Variants in PKP3 observed in about 807,000 individuals in gnomAD.
PKP3 encodes plakophilin-3.
A neutral mutation model predicts 76.5 loss-of-function variants in PKP3; 66 were observed. The observed-to-expected ratio is 0.86, with a 90% CI of 0.71 to 1.06. PKP3 has a LOEUF of 1.06. Ranked by LOEUF, PKP3 falls within the 50% of genes least tolerant of loss-of-function variation. The probability of loss-of-function intolerance (pLI) is 0.00; values close to 1 mark genes in which losing one functional copy is unlikely to be tolerated. For missense variants in PKP3, 1,338 were observed against 1,141.0 expected (o/e 1.17, Z -2.49); for synonymous variants, 638 against 516.5 (o/e 1.24, Z -3.19).
chr11:398,955 C>T, intron 4 of PKP3, 37 bp from the exon 5 acceptor site: 3 of 1,451,472 alleles, frequency 2.1e-6, no homozygotes, highest in Non-Finnish European at 2.8e-6. Context: ...CATCCATCCA[C>T]ATGCGTCTGT....
At chr11:399,302 C>A (rs534794708) in intron 5 of PKP3, 106 bp downstream of exon 5, 1 of 439,716 alleles carries the variant, frequency 2.3e-6, no homozygotes, top group Non-Finnish European at 3.8e-6. Flanking sequence ...CCACCATCTG[C>A]CCCCCTTCTC....
rs112944955 is a variant in PKP3, at chr11:403,242, C to T, written c.1902C>T (p.Asn634=). The change falls in exon 9 of 13, where the codon AAC becomes AAT. Residue 634 remains asparagine (N), a synonymous_variant. Transcript: ENST00000331563. ...AGGCGGCCGCCGGGGCGCTGCAGAA[C>T]ATCACGGCAGGCGACCGCAGGGTGG... is the stretch of plus-strand genomic sequence containing the variant. The part of the protein sequence containing the change: ...TTEAAAGALQ[N]ITAGDRRWAG... The T allele has an allele frequency of 4.4e-6, 7 of 1,586,360 alleles. No individual in the cohort carries two copies. Among genetic ancestry groups the T allele is most frequent in the Non-Finnish European group, 8.5e-7 (1 of 1,170,202 alleles).
At chr11:398,193 T>C (rs1590354545) in intron 4 of PKP3, among the ~76,000 whole-genome samples, 4 of 40,590 alleles carry the variant, frequency 9.9e-5, no homozygotes, top group Admixed American at 2.8e-4. Context: ...CCCCCACATA[T>C]ACCTCATCAC....
Position 400,639 on chromosome 11 carries a change from C to A in PKP3, c.1671C>A (p.Asp557Glu). The A allele has an allele frequency of 1.4e-6, 2 of 1,383,240 alleles. No homozygotes were observed. Among genetic ancestry groups the A allele is most frequent in the Admixed American group, 3.8e-5 (1 of 26,332 alleles). The allele number at this position is 1,383,240 out of a possible 1,614,324, so 85.7% of individuals were successfully genotyped here. The change falls in exon 8 of 13, where the codon GAC becomes GAA. Residue 557 changes from aspartate (D) to glutamate (E), a missense_variant. Transcript: ENST00000331563. ...GGCTGGAGGGTCGCGGCCGCAGGGA[C>A]CTGGCGGGGGCGCCGCCGGGAGAGG... is the stretch of plus-strand genomic sequence containing the variant. ...LQRLEGRGRR[D>E]LAGAPPGEVV...
chr11:403,866 C>T, intron 10 of PKP3, 77 bp from the exon 11 acceptor site: 5 of 1,570,188 alleles, frequency 3.2e-6, no homozygotes, highest in Non-Finnish European at 3.5e-6. Context: ...CAGTCCAGCT[C>T]CCTGGGGGAG....
intron 5 of PKP3, among the ~76,000 whole-genome samples, chr11:399,422 G>GC (rs1847112224): frequency 2.8e-5 from 1 of 35,102 alleles, no homozygotes; most frequent in African/African-American, 1.3e-4. Context: ...TCCTCCACCT[G>GC]CCCCCTCTGC....
At chr11:396,517 G>C in intron 1 of PKP3, 91 bp from the exon 2 acceptor site, 1 of 894,186 alleles carries the variant, frequency 1.1e-6, no homozygotes, top group South Asian at 1.7e-5. Context: ...TGCTCCTAGG[G>C]TTGCCAATAG....
chr11:394,382 C>A lies in PKP3; in HGVS notation c.90C>A (p.Arg30=), dbSNP rs1185580595. 4 of 1,494,460 alleles carry A rather than the reference C, an allele frequency of 2.7e-6. No individual in the cohort carries two copies. The Admixed American group carries it at 8.8e-5, about 33-fold the overall frequency. The allele number at this position is 1,494,460 out of a possible 1,614,324, so 92.6% of individuals were successfully genotyped here. ...TGCCCTCTGACCTGCAGCTGGACCGCCGGGGCGCCGAGGGGCCGGAGGCCG... is the reference window on the plus strand; with the variant it reads ...TGCCCTCTGACCTGCAGCTGGACCGACGGGGCGCCGAGGGGCCGGAGGCCG... ...LALPSDLQLD[R]RGAEGPEAER... The change falls in exon 1 of 13, where the codon CGC becomes CGA. Residue 30 remains arginine, a synonymous_variant. Transcript: ENST00000331563.
chr11:394,914 G>A (rs962236894), intron 1 of PKP3, among the ~76,000 whole-genome samples: 3 of 152,166 alleles, frequency 2.0e-5, no homozygotes, highest in African/African-American at 4.8e-5. Context: ...AGACACCCAC[G>A]CTCCTCCCAT....
In PKP3 at chr11:404,839, GGGGTT is replaced by G. The variant is rs1320609293; in HGVS notation, c.*273_*277del. 2.6e-5 allele frequency: 14 copies of G among 529,680 alleles called. No individual in the cohort carries two copies. Among genetic ancestry groups the G allele is most frequent in the Non-Finnish European group, 4.4e-5 (13 of 292,396 alleles). The allele number at this position is 529,680 out of a possible 1,614,324, so 32.8% of individuals were successfully genotyped here. ...TGACCCAGTCACATTGGCAGAGGTG[GGGGTT>G]GGCTGTGGCCTGGCAGTATCTTGGG... is the stretch of plus-strand genomic sequence containing the variant. On this transcript the variant is annotated 3_prime_UTR_variant, in exon 13 of 13. Transcript: ENST00000331563. The surrounding 1 kb of genome is among the most constrained non-coding windows in gnomAD (Gnocchi z 4.2).
Position 400,661 on chromosome 11 carries a change from G to A in PKP3, c.1693G>A (p.Glu565Lys), listed in dbSNP as rs1847139738. 10 of 1,355,440 alleles carry A rather than the reference G, an allele frequency of 7.4e-6. 1 individual carries two copies. Among genetic ancestry groups the A allele is most frequent in the Middle Eastern group, 5.5e-4 (2 of 3,604 alleles). The allele number at this position is 1,355,440 out of a possible 1,614,324, so 84.0% of individuals were successfully genotyped here. A position where few individuals can be genotyped will look rare whatever the true frequency, so the allele number is the denominator to read the frequency against. ...RRDLAGAPPG[E>K]VVGCFTPQSR... ...GGACCTGGCGGGGGCGCCGCCGGGA[G>A]AGGTCGTGGGCTGCTTCACGCCGCA... is the stretch of plus-strand genomic sequence containing the variant. The change falls in exon 8 of 13, where the codon GAG (glutamate) becomes AAG (lysine). Residue 565 changes from glutamate to lysine, a missense_variant. Transcript: ENST00000331563.
intron 1 of PKP3, among the ~76,000 whole-genome samples, chr11:395,190 G>A (rs1033859426): frequency 2.0e-5 from 3 of 152,318 alleles, no homozygotes; most frequent in Admixed American, 6.5e-5. Context: ...GAGCACAGAC[G>A]CTGTGAGTTG....
At chr11:403,573 G>A (rs757909344) in intron 9 of PKP3, 45 bp from the exon 10 acceptor site, 47 of 1,580,254 alleles carry the variant, frequency 3.0e-5, no homozygotes, top group East Asian at 2.2e-5. Flanking sequence ...CTCAGGTGAG[G>A]GTCTGAGGCC....
In PKP3 at chr11:400,347, G is replaced by C; in HGVS notation, c.1462G>C (p.Ala488Pro). ...ATGFLRNLSS[A>P]SQATRQKMRE... ...CTCGGTCCCCAGGAACCTCAGCTCA[G>C]CCTCTCAGGCCACTCGCCAGAAGAT... The change falls in exon 7 of 13, where the codon GCC (alanine) becomes CCC (proline). Residue 488 changes from alanine (A) to proline (P), a missense_variant. Ala to Pro is a conservative substitution (Grantham distance 27, BLOSUM62 -1). Transcript: ENST00000331563. 6.5e-7 allele frequency: 1 copy of C among 1,549,284 alleles called. No homozygotes were observed. Among genetic ancestry groups the C allele is most frequent in the Non-Finnish European group, 8.7e-7 (1 of 1,146,378 alleles).
rs1246649584 is a variant in PKP3 at position 396,621 on chromosome 11, G to A, written c.246G>A (p.Gly82=). 1 of 1,608,710 alleles carries A rather than the reference G, an allele frequency of 6.2e-7. No individual in the cohort carries two copies. Among genetic ancestry groups the A allele is most frequent in the Non-Finnish European group, 8.5e-7 (1 of 1,178,264 alleles). The change falls in exon 2 of 13, where the codon GGG becomes GGA. Residue 82 remains glycine (G), a synonymous_variant. Transcript: ENST00000331563. ...CCCTCTCCACAGGCACATCCAGGGG[G>A]CAGTACCACACCCTGCAGGCTGGCT... The part of the protein sequence containing the change: ...EAETARGTSR[G]QYHTLQAGFS...
At chr11:392,841 C>A, upstream of PKP3, 1 of 425,984 alleles carries the variant, frequency 2.3e-6, no homozygotes, top group South Asian at 1.8e-5. Flanking sequence ...TACTCTCCAG[C>A]TTCCTCCCCT....
intron 8 of PKP3, 98 bp downstream of exon 8, chr11:400,803 C>G (rs1847144523): frequency 1.8e-6 from 1 of 549,022 alleles, no homozygotes; most frequent in Admixed American, 6.4e-5. Flanking sequence ...CCCCGCCCCG[C>G]TCACCCCGCC....
chr11:394,376 G>A lies in PKP3; in HGVS notation c.84G>A (p.Leu28=). Residue 28 remains leucine (L), a synonymous_variant, in exon 1 of 13, where the codon CTG becomes CTA. Transcript: ENST00000331563. ...TGGCGCTGCCCTCTGACCTGCAGCT[G>A]GACCGCCGGGGCGCCGAGGGGCCGG... The part of the protein sequence containing the change: ...CSLALPSDLQ[L]DRRGAEGPEA... The A allele has an allele frequency of 2.7e-6, 4 of 1,497,128 alleles. No homozygotes were observed. Among genetic ancestry groups the A allele is most frequent in the Non-Finnish European group, 3.5e-6 (4 of 1,131,180 alleles). The allele number at this position is 1,497,128 out of a possible 1,614,324, so 92.7% of individuals were successfully genotyped here.
chr11:394,067 T>C (rs2133592592), upstream of PKP3: 2 of 578,098 alleles, frequency 3.5e-6, no homozygotes, highest in East Asian at 3.7e-5. Context: ...CAGGGCCTGT[T>C]CTTCCGCCCA....
Sources: allele counts gnomAD v4.1 joint callset (sites outside exome capture counted in the v4.1 genomes callset), GRCh38; gene constraint gnomAD v4.1.1; non-coding constraint Gnocchi (gnomAD v3.1); transcripts MANE v1.5; gene names NCBI Gene and HGNC (gene_info 2026-07-23, HGNC 2026-07-21).